The following ARB2A variants were observed in gnomAD, a reference collection of about 807,000 sequenced individuals.
ARB2A encodes ARB2 cotranscriptional regulator A, also known as cotranscriptional regulator ARB2A.
chr5:94,107,827 T>C, the ARB2A span, among the ~76,000 whole-genome samples: 9 of 152,192 alleles, frequency 5.9e-5, no homozygotes, highest in Admixed American at 3.9e-4. Context: ...ACAGTAGATC[T>C]TACTGGATTA....
chr5:93,628,009 T>C, the ARB2A span, among the ~76,000 whole-genome samples: 1 of 152,030 alleles, frequency 6.6e-6, no homozygotes, highest in South Asian at 2.1e-4. Flanking sequence ...ATCCAGACTC[T>C]GTTGTTCCAC....
the ARB2A span, among the ~76,000 whole-genome samples, chr5:93,854,973 T>C: frequency 6.6e-6 from 1 of 152,190 alleles, no homozygotes; most frequent in Non-Finnish European, 1.5e-5. Flanking sequence ...GTCTATTAGG[T>C]CTGCATGATG....
At chr5:93,687,969 T>C in the ARB2A span, among the ~76,000 whole-genome samples, 208 of 148,478 alleles carry the variant, frequency 1.4e-3, no homozygotes, top group African/African-American at 4.8e-3. Context: ...ACTTTTCTTT[T>C]CTATTCTTTT....
the ARB2A span, among the ~76,000 whole-genome samples, chr5:93,681,376 G>C: frequency 6.6e-6 from 1 of 152,112 alleles, no homozygotes; most frequent in African/African-American, 2.4e-5. Context: ...AAACTCTTTA[G>C]ACTCTCTAGA....
the ARB2A span, among the ~76,000 whole-genome samples, chr5:93,894,476 C>T: frequency 6.6e-6 from 1 of 151,960 alleles, no homozygotes. Context: ...TGTCTCTCAG[C>T]TTCTCTGTAC....
chr5:93,883,856 C>T, the ARB2A span, among the ~76,000 whole-genome samples: 1 of 150,512 alleles, frequency 6.6e-6, no homozygotes. Context: ...GGTCTCCTGT[C>T]ATGTTTCTTC....
At chr5:93,717,448 T>C in the ARB2A span, among the ~76,000 whole-genome samples, 8 of 151,780 alleles carry the variant, frequency 5.3e-5, no homozygotes, top group Non-Finnish European at 8.8e-5. Flanking sequence ...TGCTTTTTTT[T>C]TTTTTTTTTT....
the ARB2A span, among the ~76,000 whole-genome samples, chr5:93,899,034 T>C: frequency 1.3e-5 from 2 of 152,066 alleles, no homozygotes; most frequent in African/African-American, 4.8e-5. Flanking sequence ...TGCTACATAA[T>C]GTTTATTAGT....
chr5:93,711,899 T>A, the ARB2A span, among the ~76,000 whole-genome samples: 6 of 152,292 alleles, frequency 3.9e-5, no homozygotes, highest in Admixed American at 2.6e-4. Flanking sequence ...GCCCTGCTAG[T>A]CTGAGGTTGT....
chr5:93,833,559 T>TA, the ARB2A span, among the ~76,000 whole-genome samples: 2 of 152,176 alleles, frequency 1.3e-5, no homozygotes, highest in African/African-American at 4.8e-5. Flanking sequence ...TTTTATCATA[T>TA]AAAAAAAGCC....
At chr5:94,078,235 G>A in the ARB2A span, among the ~76,000 whole-genome samples, 1 of 152,058 alleles carries the variant, frequency 6.6e-6, no homozygotes, top group East Asian at 1.9e-4. Context: ...ACGTAAAATT[G>A]GGTTAATTTT....
chr5:93,964,929 C>T, the ARB2A span, among the ~76,000 whole-genome samples: 28 of 151,854 alleles, frequency 1.8e-4, no homozygotes, highest in East Asian at 5.0e-3. Flanking sequence ...TTCACTGAAT[C>T]GAGGAGGAAA....
the ARB2A span, among the ~76,000 whole-genome samples, chr5:93,975,727 G>C: frequency 1.3e-5 from 2 of 151,898 alleles, no homozygotes; most frequent in African/African-American, 4.8e-5. Context: ...TCCCAAGATA[G>C]AATGAGGAAG....
chr5:93,811,094 G>A, the ARB2A span, among the ~76,000 whole-genome samples: 1 of 152,044 alleles, frequency 6.6e-6, no homozygotes, highest in African/African-American at 2.4e-5. Context: ...ATATGAAGGA[G>A]CAAATGCTGA....
the ARB2A span, among the ~76,000 whole-genome samples, chr5:93,633,474 C>T: frequency 6.6e-6 from 1 of 152,174 alleles, no homozygotes; most frequent in African/African-American, 2.4e-5. Flanking sequence ...CTGGCTCCAG[C>T]CTCCTTTTCT....
chr5:93,748,344 T>C, the ARB2A span, among the ~76,000 whole-genome samples: 1 of 152,020 alleles, frequency 6.6e-6, no homozygotes, highest in African/African-American at 2.4e-5. Context: ...AGAAATAGGG[T>C]AGAATATTGA....
chr5:94,021,481 G>A, the ARB2A span, among the ~76,000 whole-genome samples: 2 of 152,220 alleles, frequency 1.3e-5, no homozygotes, highest in African/African-American at 4.8e-5. Context: ...TCTGATCAAA[G>A]AAGGTAAGAA....
the ARB2A span, among the ~76,000 whole-genome samples, chr5:93,891,797 T>C: frequency 3.9e-5 from 6 of 152,186 alleles, no homozygotes; most frequent in East Asian, 1.2e-3. Flanking sequence ...CGCCAGAGCA[T>C]TCGGGAAATG....
the ARB2A span, among the ~76,000 whole-genome samples, chr5:93,951,426 C>T: frequency 6.6e-6 from 1 of 152,060 alleles, no homozygotes; most frequent in Non-Finnish European, 1.5e-5. Flanking sequence ...TGGAGAGTTT[C>T]TTTAATGTTT....
Sources: gnomAD v4.1 joint callset for allele counts (sites outside exome capture counted in the v4.1 genomes callset) on GRCh38, gnomAD v4.1.1 for gene constraint, MANE v1.5 for transcripts, NCBI Gene and HGNC (gene_info 2026-07-23, HGNC 2026-07-21) for gene names.